Variants in EYA1 observed in about 807,000 individuals in gnomAD.
EYA1 encodes the protein protein phosphatase EYA1.
EYA1 carries 16 observed loss-of-function variants against 82.0 expected under a neutral mutation model. That is an observed-to-expected ratio of 0.20 (90% CI 0.13 to 0.30). EYA1 has a LOEUF of 0.30. Among genes scored for constraint, EYA1 ranks in the 10% least tolerant of loss-of-function variants. The probability of loss-of-function intolerance (pLI) is 1.00; values close to 1 mark genes in which losing one functional copy is unlikely to be tolerated. For missense variants in EYA1, 633 were observed against 730.7 expected, an observed-to-expected ratio of 0.87 and a Z score of 1.54; for synonymous variants, 261 against 264.4, an observed-to-expected ratio of 0.99 and a Z score of 0.12.
At chr8:71,329,277 C>T (rs1223003134) in intron 4 of EYA1, among the ~76,000 whole-genome samples, 1 of 152,176 alleles carries the variant, frequency 6.6e-6, no homozygotes, top group African/African-American at 2.4e-5. Flanking sequence ...TTCTTTCTAC[C>T]CGTCTTGAAT....
Position 71,358,768 on chromosome 8 carries a change from CAT to C in EYA1, c.-54-2259_-54-2258del, listed in dbSNP as rs564032216. ...TTTCTGATTGCTGTTGATTTCCTCT[CAT>C]GTTTGATAATATCTCTGGAAGTTTC... On this transcript the variant is annotated intron_variant, in intron 1 of 17. Transcript: ENST00000340726. 1.1e-4 allele frequency among the ~76,000 whole-genome samples: 16 copies of C among 152,244 alleles called. No homozygotes were observed. The East Asian group carries it at 3.1e-3, about 29-fold the overall frequency.
chr8:71,224,783 G>A (rs1810360959), intron 12 of EYA1, among the ~76,000 whole-genome samples: 1 of 152,216 alleles, frequency 6.6e-6, no homozygotes, highest in Admixed American at 6.5e-5. Flanking sequence ...GGTGACCAGT[G>A]TTTGAGTGAC....
At chr8:71,238,480 A>G (rs1585932479) in intron 12 of EYA1, among the ~76,000 whole-genome samples, 1 of 151,970 alleles carries the variant, frequency 6.6e-6, no homozygotes, top group East Asian at 1.9e-4. Flanking sequence ...ATTTATTGAA[A>G]CCTTCCTTTA....
At chr8:71,456,312 C>A (rs945908486) in intron 2 of EYA1, among the ~76,000 whole-genome samples, 2 of 152,094 alleles carry the variant, frequency 1.3e-5, no homozygotes, top group African/African-American at 4.8e-5. Flanking sequence ...GAATCAATAT[C>A]GTGAAAATGG....
chr8:71,529,771 A>T (rs1391139371), intron 2 of EYA1: 1 of 152,226 alleles, frequency 6.6e-6, no homozygotes, highest in African/African-American at 2.4e-5. Flanking sequence ...AGAGAAAGCC[A>T]GTCTATAAAC....
exon 1 of EYA1, chr8:71,547,869 T>A (rs1815792671): frequency 6.6e-6 from 1 of 151,410 alleles, no homozygotes; most frequent in African/African-American, 2.4e-5. Flanking sequence ...CTTACTTGTG[T>A]CACAACTGCG....
intron 12 of EYA1, among the ~76,000 whole-genome samples, chr8:71,239,048 T>C (rs1265570454): frequency 2.0e-5 from 3 of 152,132 alleles, no homozygotes; most frequent in Non-Finnish European, 4.4e-5. Flanking sequence ...AAATATACTT[T>C]TATATTTCTA....
intron 9 of EYA1, among the ~76,000 whole-genome samples, chr8:71,298,469 C>A (rs1441767440): frequency 6.6e-6 from 1 of 152,170 alleles, no homozygotes; most frequent in Non-Finnish European, 1.5e-5. Flanking sequence ...ATATCAAAGA[C>A]ATCATGTAGG....
At chr8:71,243,829 C>T (rs1812766144) in intron 12 of EYA1, among the ~76,000 whole-genome samples, 7 of 152,228 alleles carry the variant, frequency 4.6e-5, no homozygotes. Context: ...TCTGAAATAA[C>T]ATACATTTAT....
chr8:71,536,929 T>C (rs1459063546), intron 1 of EYA1, among the ~76,000 whole-genome samples: 1 of 152,240 alleles, frequency 6.6e-6, no homozygotes, highest in Non-Finnish European at 1.5e-5. Context: ...TACTCTAATC[T>C]GGAAAATGAG....
chr8:71,230,323 T>G (rs1186751907), intron 12 of EYA1, among the ~76,000 whole-genome samples: 7 of 152,176 alleles, frequency 4.6e-5, no homozygotes, highest in Non-Finnish European at 8.8e-5. Context: ...ATCCAAGATC[T>G]AAACCAAAAG....
At chr8:71,299,383 G>C in intron 8 of EYA1, 150 bp from the exon 9 acceptor site, 1 of 834,382 alleles carries the variant, frequency 1.2e-6, no homozygotes, top group Non-Finnish European at 2.0e-6. Context: ...AAAGAGCTCA[G>C]ACTTGCAAAC....
intron 3 of EYA1, among the ~76,000 whole-genome samples, chr8:71,345,227 T>C (rs1223915468): frequency 6.6e-6 from 1 of 152,188 alleles, no homozygotes; most frequent in Admixed American, 6.5e-5. Context: ...GAAGGGGCAA[T>C]GCCATTCTAC....
At chr8:71,411,593 A>C (rs1158042629) in intron 2 of EYA1, among the ~76,000 whole-genome samples, 1 of 151,702 alleles carries the variant, frequency 6.6e-6, no homozygotes, top group Non-Finnish European at 1.5e-5. Flanking sequence ...CACTTCTCAA[A>C]AGAAGACATT....
At chr8:71,359,306 G>A (rs190129767) in intron 1 of EYA1, among the ~76,000 whole-genome samples, 1 of 152,130 alleles carries the variant, frequency 6.6e-6, no homozygotes, top group East Asian at 1.9e-4. Flanking sequence ...CTCTCATTTT[G>A]TTAAACCTCA....
chr8:71,476,109 C>T (rs1041212627), intron 2 of EYA1, among the ~76,000 whole-genome samples: 3 of 152,170 alleles, frequency 2.0e-5, no homozygotes, highest in Non-Finnish European at 4.4e-5. Flanking sequence ...CTGTTCTTCT[C>T]TTCCTACATA....
At chr8:71,209,946 A>G (rs2128830877) in intron 17 of EYA1, among the ~76,000 whole-genome samples, 1 of 152,364 alleles carries the variant, frequency 6.6e-6, no homozygotes, top group Admixed American at 6.5e-5. Context: ...CTTTGCTGAA[A>G]CAGGCACATA....
chr8:71,247,711 G>A (rs1191537025), intron 11 of EYA1, among the ~76,000 whole-genome samples: 1 of 152,148 alleles, frequency 6.6e-6, no homozygotes, highest in Non-Finnish European at 1.5e-5. Context: ...AGTATCAGTA[G>A]GCATGCTGGA....
chr8:71,362,313 C>A, upstream of EYA1: 1 of 591,720 alleles, frequency 1.7e-6, no homozygotes, highest in Non-Finnish European at 2.1e-6. Flanking sequence ...TAAATGAACG[C>A]GCCCCACGCT....
Sources: allele counts gnomAD v4.1 joint callset (sites outside exome capture counted in the v4.1 genomes callset), GRCh38; gene constraint gnomAD v4.1.1; transcripts MANE v1.5; gene names NCBI Gene and HGNC (gene_info 2026-07-23, HGNC 2026-07-21).